LIMCH1: variants seen among roughly 807,000 people sequenced by gnomAD.
The protein encoded by LIMCH1 is LIM and calponin homology domains 1.
In LIMCH1, 113 loss-of-function variants were observed where a neutral mutation model predicts 176.5. The ratio of observed to expected loss-of-function variants is 0.64; its 90% CI spans 0.55 to 0.75. The LOEUF is 0.75. LIMCH1 is among the 30% of genes least tolerant of loss of function. The probability of loss-of-function intolerance (pLI) is 0.00; values close to 1 mark genes in which losing one functional copy is unlikely to be tolerated. For missense variants in LIMCH1, 1,674 were observed against 1,814.9 expected, an observed-to-expected ratio of 0.92 and a Z score of 1.41; for synonymous variants, 619 against 645.9, an observed-to-expected ratio of 0.96 and a Z score of 0.63.
In LIMCH1 at chr4:41,629,531, C is replaced by G. The variant is rs1485082838; in HGVS notation, c.1068C>G (p.Thr356=). The G allele has an allele frequency of 5.2e-6, 8 of 1,535,896 alleles. No homozygotes were observed. Among genetic ancestry groups the G allele is most frequent in the Non-Finnish European group, 7.0e-6 (8 of 1,146,884 alleles). Residue 356 remains threonine (T), a synonymous_variant, in exon 9 of 32, where the codon ACC becomes ACG. Transcript: ENST00000503057. ...CAGAAGAGGTGAAGTTGATAGTGACCTGTAACATGAGGGCTCAGGAAAGTG... is the reference window on the plus strand; with the variant it reads ...CAGAAGAGGTGAAGTTGATAGTGACGTGTAACATGAGGGCTCAGGAAAGTG... ...GHTEEVKLIV[T]CNMRAQESEP...
At chr4:41,575,734 A>G (rs548745609) in intron 1 of LIMCH1, among the ~76,000 whole-genome samples, 63 of 152,266 alleles carry the variant, frequency 4.1e-4, no homozygotes, top group Non-Finnish European at 7.2e-4. Context: ...TAAATACATG[A>G]AGCAGGAATG....
At chr4:41,462,115 A>G (rs2065454356) in intron 1 of LIMCH1, among the ~76,000 whole-genome samples, 2 of 152,188 alleles carry the variant, frequency 1.3e-5, no homozygotes, top group African/African-American at 4.8e-5. Context: ...TGATGGAAAG[A>G]CTGACTTGAA....
intron 13 of LIMCH1, among the ~76,000 whole-genome samples, chr4:41,635,500 T>C (rs956832818): frequency 6.6e-6 from 1 of 152,158 alleles, no homozygotes; most frequent in African/African-American, 2.4e-5. Flanking sequence ...AGTCCCGGGA[T>C]TACAGGTTTG....
chr4:41,552,868 CA>C (rs1197841482), intron 1 of LIMCH1, among the ~76,000 whole-genome samples: 25 of 152,258 alleles, frequency 1.6e-4, no homozygotes, highest in African/African-American at 5.1e-4. Context: ...AGTTCAGTTT[CA>C]TGGCTCATGG....
chr4:41,468,147 T>C (rs1431638724), intron 1 of LIMCH1, among the ~76,000 whole-genome samples: 2 of 152,228 alleles, frequency 1.3e-5, no homozygotes, highest in African/African-American at 4.8e-5. Flanking sequence ...CCAAAAAGCT[T>C]TGAGAAGTGG....
At chr4:41,381,853 C>T (rs1437950399) in intron 1 of LIMCH1, among the ~76,000 whole-genome samples, 2 of 152,092 alleles carry the variant, frequency 1.3e-5, no homozygotes, top group East Asian at 3.9e-4. Context: ...AGCACTTTGA[C>T]ATTAGGGGTT....
intron 14 of LIMCH1, among the ~76,000 whole-genome samples, chr4:41,640,862 C>G (rs527314040): frequency 2.0e-5 from 3 of 152,068 alleles, no homozygotes; most frequent in Admixed American, 1.3e-4. Flanking sequence ...GCAGACCTAC[C>G]GCACAGGCAA....
intron 1 of LIMCH1, among the ~76,000 whole-genome samples, chr4:41,428,430 A>G (rs982115645): frequency 3.3e-5 from 5 of 152,132 alleles, no homozygotes; most frequent in African/African-American, 9.6e-5. Flanking sequence ...GAGATGAGAT[A>G]ATGTCAGAAG....
intron 1 of LIMCH1, among the ~76,000 whole-genome samples, chr4:41,398,928 C>T (rs1475190293): frequency 6.6e-6 from 1 of 152,130 alleles, no homozygotes; most frequent in Non-Finnish European, 1.5e-5. Flanking sequence ...GAAGACAGTT[C>T]CTTTTTAATT....
At position 41,460,458 on chromosome 4, in the gene LIMCH1, C is replaced by CTTTA. The variant is rs372751468; in HGVS notation, c.97-34077_97-34076insTTAT. ...AAATTTGTTCCACTATAGTAATCAT[C>CTTTA]TATATATATATATATATATATCTTA... On this transcript the variant is annotated intron_variant, in intron 1 of 26. Transcript: ENST00000313860. 1.5e-3 allele frequency among the ~76,000 whole-genome samples: 168 copies of CTTTA among 110,554 alleles called. 8 individuals are homozygous for CTTTA. The highest frequency in any genetic ancestry group is 6.4e-3 in the African/African-American group (162 of 25,242). 72.5% of individuals were successfully genotyped at this position (110,554 alleles called of 152,430 possible). A position where few individuals can be genotyped will look rare whatever the true frequency, so the allele number is the denominator to read the frequency against.
rs2094615573 is a variant in LIMCH1, at chr4:41,661,465, G to C, written c.3082G>C (p.Asp1028His). Residue 1028 changes from aspartate to histidine, a missense_variant, in exon 19 of 32, where the codon GAT becomes CAT. Physicochemically the swap from Asp to His is moderately conservative, Grantham distance 81. Transcript: ENST00000503057. ...ACCGAATAGTCAAGAGGACAAGAAT[G>C]ATGGTGGAAAATCAAGAAAAGGGAA... ...TEPNSQEDKN[D>H]GGKSRKGNIE... 5 of 1,613,236 alleles carry C rather than the reference G, an allele frequency of 3.1e-6. No homozygotes were observed. Among genetic ancestry groups the C allele is most frequent in the South Asian group, 1.1e-5 (1 of 90,986 alleles).
chr4:41,669,094 G>A (rs755597835), intron 21 of LIMCH1, among the ~76,000 whole-genome samples: 6 of 152,192 alleles, frequency 3.9e-5, no homozygotes, highest in Admixed American at 6.5e-5. Flanking sequence ...AATTATAGCT[G>A]CATGCTCTGG....
chr4:41,601,800 T>G (rs1388488214), intron 2 of LIMCH1, among the ~76,000 whole-genome samples: 1 of 152,150 alleles, frequency 6.6e-6, no homozygotes, highest in East Asian at 1.9e-4. Flanking sequence ...GCTGGTTTAA[T>G]TTGGCACTGT....
chr4:41,557,546 C>CTGTGTATA (rs375027661), intron 1 of LIMCH1, among the ~76,000 whole-genome samples: 1 of 147,732 alleles, frequency 6.8e-6, no homozygotes, highest in African/African-American at 2.5e-5. Flanking sequence ...TTTATTGCCT[C>CTGTGTATA]TGTGTGTGTG....
intron 31 of LIMCH1, among the ~76,000 whole-genome samples, chr4:41,694,532 A>C (rs1728914235): frequency 6.6e-6 from 1 of 152,198 alleles, no homozygotes; most frequent in Non-Finnish European, 1.5e-5. Context: ...TTTTGAACTT[A>C]ATGATATATC....
intron 1 of LIMCH1, among the ~76,000 whole-genome samples, chr4:41,411,408 A>G (rs571156271): frequency 6.6e-6 from 1 of 152,212 alleles, no homozygotes; most frequent in African/African-American, 2.4e-5. Context: ...AGGTCTCACT[A>G]TGTTGCTTAG....
chr4:41,663,278 C>T (rs185134178), intron 20 of LIMCH1, among the ~76,000 whole-genome samples: 115 of 151,956 alleles, frequency 7.6e-4, no homozygotes, highest in Non-Finnish European at 1.4e-3. Context: ...CTTAGGCTCC[C>T]GAGTAGCTGG....
rs186483540 is a variant in LIMCH1 at position 41,674,014 on chromosome 4, G to A, written c.3439-2368G>A. 1.5e-3 allele frequency among the ~76,000 whole-genome samples: 228 copies of A among 152,284 alleles called. 2 individuals are homozygous for A. Among genetic ancestry groups the A allele is most frequent in the Admixed American group, 7.2e-3 (110 of 15,296 alleles). On this transcript the variant is annotated intron_variant, in intron 22 of 31. Transcript: ENST00000503057. ...GCTGGTAACCCCGCCCTGGCCCACA[G>A]TCAGTGGGCCATAATCTGCAAATTA...
At chr4:41,371,150 A>G (rs1358572068) in intron 1 of LIMCH1, among the ~76,000 whole-genome samples, 1 of 152,208 alleles carries the variant, frequency 6.6e-6, no homozygotes. Context: ...GGTCCCAAGT[A>G]ACTACCTAAC....
Sources: allele counts gnomAD v4.1 joint callset (sites outside exome capture counted in the v4.1 genomes callset), GRCh38; gene constraint gnomAD v4.1.1; transcripts MANE v1.5; gene names NCBI Gene and HGNC (gene_info 2026-07-23, HGNC 2026-07-21).